ZNF254: variants seen among roughly 807,000 people sequenced by gnomAD.
The protein encoded by ZNF254 is CTD-2017D11.1.
In ZNF254, 10 loss-of-function variants were observed where a neutral mutation model predicts 12.4. The ratio of observed to expected loss-of-function variants is 0.80; its 90% CI spans 0.50 to 1.36. The LOEUF (loss-of-function observed/expected upper bound fraction) is 1.36. ZNF254 is among the 40% of genes most tolerant of loss of function. The probability of loss-of-function intolerance (pLI) is 0.00; values close to 1 mark genes in which losing one functional copy is unlikely to be tolerated. For synonymous variants in ZNF254, 305 were observed against 253.4 expected, an observed-to-expected ratio of 1.20 and a Z score of -1.93; for missense variants, 996 against 763.9, an observed-to-expected ratio of 1.30 and a Z score of -3.58.
At chr19:24,048,003 C>CTTTTT (rs398034320) in intron 2 of ZNF254, among the ~76,000 whole-genome samples, 877 of 68,802 alleles carry the variant, frequency 0.013, 60 homozygotes, top group African/African-American at 0.04. Context: ...TTCTTTTCTT[C>CTTTTT]TTTTTTTTTT....
At chr19:24,038,733 A>G (rs1341123108) in intron 1 of ZNF254, among the ~76,000 whole-genome samples, 18 of 152,216 alleles carry the variant, frequency 1.2e-4, no homozygotes, top group Admixed American at 1.0e-3. Flanking sequence ...GTCTGCAGGC[A>G]GAATGGCCTT....
intron 2 of ZNF254, among the ~76,000 whole-genome samples, chr19:24,051,801 C>A (rs1970657404): frequency 6.6e-6 from 1 of 152,200 alleles, no homozygotes; most frequent in African/African-American, 2.4e-5. Flanking sequence ...GTACATATCA[C>A]TGGGCCCAGC....
chr19:24,084,570 TAAAC>T (rs1159254579), upstream of ZNF254, among the ~76,000 whole-genome samples: 12 of 152,046 alleles, frequency 7.9e-5, no homozygotes, highest in East Asian at 3.9e-4. Context: ...ATAATAATAA[TAAAC>T]AAAAAATAAT....
At chr19:24,074,054 G>A (rs868781355) in intron 2 of ZNF254, among the ~76,000 whole-genome samples, 1 of 152,120 alleles carries the variant, frequency 6.6e-6, no homozygotes, top group Non-Finnish European at 1.5e-5. Context: ...TGAGACATAT[G>A]GCTGAGCCCC....
At chr19:24,060,103 C>G (rs1430187779) in intron 2 of ZNF254, among the ~76,000 whole-genome samples, 1 of 152,176 alleles carries the variant, frequency 6.6e-6, no homozygotes, top group Non-Finnish European at 1.5e-5. Flanking sequence ...GGTGATGGAA[C>G]TCTGCCACCT....
At chr19:24,102,567 A>G (rs1359968376) in intron 1 of ZNF254, among the ~76,000 whole-genome samples, 1 of 152,298 alleles carries the variant, frequency 6.6e-6, no homozygotes, top group African/African-American at 2.4e-5. Flanking sequence ...TGCCTCACAG[A>G]ACTAACTAGA....
chr19:24,097,647 G>A (rs1427553102), intron 1 of ZNF254, among the ~76,000 whole-genome samples: 1 of 151,924 alleles, frequency 6.6e-6, no homozygotes, highest in African/African-American at 2.4e-5. Context: ...AGGGTGTGGT[G>A]GTGCATGCCT....
intron 1 of ZNF254, among the ~76,000 whole-genome samples, chr19:24,100,200 G>T (rs890292860): frequency 6.6e-6 from 1 of 152,004 alleles, no homozygotes; most frequent in Non-Finnish European, 1.5e-5. Context: ...CTGATTCAGA[G>T]ACCATGGAGC....
intron 1 of ZNF254, among the ~76,000 whole-genome samples, chr19:24,036,695 ACT>A (rs1346967234): frequency 5.3e-5 from 8 of 151,948 alleles, no homozygotes; most frequent in Non-Finnish European, 1.2e-4. Flanking sequence ...GGGAAGGGGA[ACT>A]CTGTTCTGCA....
chr19:24,113,006 C>A (rs77477753), intron 3 of ZNF254, among the ~76,000 whole-genome samples: 2 of 152,052 alleles, frequency 1.3e-5, no homozygotes. Context: ...CTGAAGAGAC[C>A]AATAAAAGGA....
At chr19:24,073,963 G>T (rs369885330) in intron 2 of ZNF254, among the ~76,000 whole-genome samples, 1 of 152,174 alleles carries the variant, frequency 6.6e-6, no homozygotes, top group Non-Finnish European at 1.5e-5. Flanking sequence ...CCAGCCCACA[G>T]ATTAGATCAT....
intron 1 of ZNF254, among the ~76,000 whole-genome samples, chr19:24,094,692 T>G (rs1181175346): frequency 1.3e-5 from 2 of 152,058 alleles, no homozygotes; most frequent in African/African-American, 4.8e-5. Flanking sequence ...GGTTTTTTTT[T>G]TCTTTTCTTT....
At chr19:24,121,961 C>T (rs141699249) in intron 3 of ZNF254, among the ~76,000 whole-genome samples, 185 of 151,992 alleles carry the variant, frequency 1.2e-3, no homozygotes, top group African/African-American at 4.1e-3. Context: ...CTTGTAATTT[C>T]AACATCCTAT....
At position 24,090,708 on chromosome 19, in the gene ZNF254, A is replaced by T. The variant is rs767259047; in HGVS notation, c.30+3371A>T. The stretch of plus-strand genomic sequence containing the variant: ...TGCCTGAGCCTTCCAAAGTGCTGAG[A>T]TTACAGGCGTGAGCCATTGTGCCCA... On this transcript the variant is annotated intron_variant, in intron 1 of 3. Transcript: ENST00000357002. Among the ~76,000 whole-genome samples the T allele has an allele frequency of 2.8e-4, 43 of 152,266 alleles. 1 individual carries two copies. The Middle Eastern group carries it at 0.014, about 48-fold the overall frequency.
rs536126460 is a variant in ZNF254, at chr19:24,115,220, G to A, written c.253+8577G>A. Among the ~76,000 whole-genome samples the A allele has an allele frequency of 3.6e-4, 55 of 152,026 alleles. 3 individuals carry two copies. In the East Asian group the frequency reaches 0.01, roughly 29 times the overall value. The stretch of plus-strand genomic sequence containing the variant: ...AAATCATGCTGCTATAAAGACACAT[G>A]CACAAGTATGTTTATTGTGGCAGTT... On this transcript the variant is annotated intron_variant, in intron 3 of 3. Coordinates refer to ENST00000357002, the MANE Select transcript of ZNF254 (RefSeq NM_203282.4).
In ZNF254 at chr19:24,129,868, A is replaced by G. The variant is rs1024179428; in HGVS notation, c.*1888A>G. The G allele has an allele frequency of 2.2e-4, 33 of 152,132 alleles. No individual in the cohort carries two copies. The highest frequency in any genetic ancestry group is 4.6e-4 in the Admixed American group (7 of 15,282). 9.4% of individuals were successfully genotyped at this position (152,132 alleles called of 1,614,324 possible). A position where few individuals can be genotyped will look rare whatever the true frequency, so the allele number is the denominator to read the frequency against. On this transcript the variant is annotated 3_prime_UTR_variant, in exon 4 of 4. Transcript: ENST00000357002. ...AAAATTTTAATATATTTTTCTTTGA[A>G]TATGTGACCTTTGCCTGCAAGCACA...
At chr19:24,126,142 G>C (rs1206719441) in intron 3 of ZNF254, 112 bp from the exon 4 acceptor site, 15 of 653,932 alleles carry the variant, frequency 2.3e-5, no homozygotes, top group Non-Finnish European at 3.2e-5. Flanking sequence ...GTGGTATTTT[G>C]CAATGCTATC....
intron 2 of ZNF254, among the ~76,000 whole-genome samples, chr19:24,058,467 A>C (rs969374112): frequency 6.7e-6 from 1 of 149,568 alleles, no homozygotes; most frequent in African/African-American, 2.5e-5. Context: ...CTGGAGTGTA[A>C]TGGTGCAATC....
rs1974936184 is a variant in ZNF254, at chr19:24,127,240, G to T, written c.1240G>T (p.Gly414Cys). 2.5e-6 allele frequency: 4 copies of T among 1,612,474 alleles called. No homozygotes were observed. The highest frequency in any genetic ancestry group is 3.3e-5 in the Admixed American group (2 of 59,756). ...KLYKCEECGK[G>C]FNRSSNLTTH... ...CTACAAATGTGAAGAATGCGGCAAA[G>T]GTTTTAATCGATCTTCAAATCTTAC... Residue 414 changes from glycine (G) to cysteine (C), a missense_variant, in exon 4 of 4, where the codon GGT becomes TGT. Coordinates refer to ENST00000357002, the MANE Select transcript of ZNF254 (RefSeq NM_203282.4).
Sources: gnomAD v4.1 joint callset for allele counts (sites outside exome capture counted in the v4.1 genomes callset) on GRCh38, gnomAD v4.1.1 for gene constraint, MANE v1.5 for transcripts, NCBI Gene and HGNC (gene_info 2026-07-23, HGNC 2026-07-21) for gene names.